The following RHD variants were observed in gnomAD, a reference collection of about 807,000 sequenced individuals.
RHD encodes Rh blood group D antigen.
A neutral mutation model predicts 45.5 loss-of-function variants in RHD; 16 were observed. The ratio of observed to expected loss-of-function variants is 0.35; its 90% confidence interval spans 0.24 to 0.53. The LOEUF is 0.53. RHD is among the 20% of genes least tolerant of loss of function. The pLI is 0.92. For synonymous variants in RHD, 131 were observed against 217.5 expected (o/e 0.60, Z 3.50); for missense variants, 306 against 532.0 (o/e 0.58, Z 4.18).
rs1203686924 is a variant in RHD at position 25,314,209 on chromosome 1, T to C, written c.1074-2791T>C. ...CGCCAATCTAATCACCAGTAGTGTA[T>C]AGAAGCTCCTTTTACTCCACATTTT... is the stretch of plus-strand genomic sequence containing the variant. On this transcript the variant is annotated intron_variant, in intron 7 of 9. Transcript: ENST00000328664. Among the ~76,000 whole-genome samples the C allele has an allele frequency of 4.5e-5, 6 of 133,194 alleles. 2 individuals carry two copies. Among genetic ancestry groups the C allele is most frequent in the South Asian group, 2.3e-4 (1 of 4,368 alleles). 87.4% of individuals were successfully genotyped at this position (133,194 alleles called of 152,430 possible).
chr1:25,301,080 G>A lies in RHD; in HGVS notation c.621G>A (p.Leu207=). Residue 207 remains leucine (L), a synonymous_variant, in exon 4 of 10, where the codon TTG becomes TTA. Transcript: ENST00000328664. ...DKDQTATIPS[L]SAMLGALFLW... ...ATCAGACAGCAACGATACCCAGTTT[G>A]TCTGCCATGCTGGGTAAGGACAAGG... The A allele has an allele frequency of 7.3e-7, 1 of 1,376,570 alleles. No individual in the cohort carries two copies. The highest frequency in any genetic ancestry group is 1.0e-6 in the Non-Finnish European group (1 of 978,184). 85.3% of individuals were successfully genotyped at this position (1,376,570 alleles called of 1,614,324 possible).
rs1644487760 is a variant in RHD at position 25,317,808 on chromosome 1, A to G, written c.1153+729A>G. Among the ~76,000 whole-genome samples, 3 of 81,254 alleles carry G rather than the reference A, an allele frequency of 3.7e-5. 1 individual carries two copies. The highest frequency in any genetic ancestry group is 1.2e-4 in the African/African-American group (3 of 24,660). 53.3% of individuals were successfully genotyped at this position (81,254 alleles called of 152,430 possible). On this transcript the variant is annotated intron_variant, in intron 8 of 9. Coordinates refer to ENST00000328664, the MANE Select transcript of RHD (RefSeq NM_016124.6). ...AGACAGCAGCATGCTTTGTGTGTTG[A>G]GGGAACAGTAAGGAGACCAGTGTGG...
Position 25,329,237 on chromosome 1 carries a change from GT to G in RHD, c.*338del, listed in dbSNP as rs71014352. On this transcript the variant is annotated 3_prime_UTR_variant, in exon 10 of 10. Coordinates refer to ENST00000328664, the MANE Select transcript of RHD (RefSeq NM_016124.6). Reference sequence around the variant, plus strand: ...TAAGGTTAATTTATTATTATTCCTTGTTTTTTTTTTTTTTTTTTTTTTTTTG... The same window carrying G: ...TAAGGTTAATTTATTATTATTCCTTGTTTTTTTTTTTTTTTTTTTTTTTTG... 0.059 allele frequency: 13,237 copies of G among 224,844 alleles called. 9 individuals carry two copies. Among genetic ancestry groups the G allele is most frequent in the African/African-American group, 0.072 (1,610 of 22,388 alleles). The allele number at this position is 224,844 out of a possible 1,614,324, so 13.9% of individuals were successfully genotyped here.
intron 1 of RHD, among the ~76,000 whole-genome samples, chr1:25,281,615 C>A (rs1353582143): frequency 7.6e-6 from 1 of 131,550 alleles, no homozygotes; most frequent in East Asian, 1.9e-4. Flanking sequence ...TTTGAGTAAT[C>A]CCAAGAGGAA....
rs547182192 is a variant in RHD at position 25,278,120 on chromosome 1, T to C, written c.148+5425T>C. On this transcript the variant is annotated intron_variant, in intron 1 of 9. Coordinates refer to ENST00000328664, the MANE Select transcript of RHD (RefSeq NM_016124.6). ...GACTACTGGTCTGGATGACCTGTGA[T>C]GAGACCAGATGGGCAGGGGCAGTGG... 6.9e-5 allele frequency among the ~76,000 whole-genome samples: 9 copies of C among 130,260 alleles called. 1 individual carries two copies. The East Asian group carries it at 1.8e-3, about 25-fold the overall frequency. The allele number at this position is 130,260 out of a possible 152,430, so 85.5% of individuals were successfully genotyped here. A position where few individuals can be genotyped will look rare whatever the true frequency, so the allele number is the denominator to read the frequency against.
At chr1:25,314,278 A>C (rs1471357780) in intron 7 of RHD, among the ~76,000 whole-genome samples, 1 of 132,776 alleles carries the variant, frequency 7.5e-6, no homozygotes, top group Non-Finnish European at 1.8e-5. Context: ...GTCATTTAGC[A>C]ATCAAACCTA....
chr1:25,301,455 C>T (rs533258873), intron 4 of RHD, 65 bp from the exon 5 acceptor site: 1 of 1,295,858 alleles, frequency 7.7e-7, no homozygotes, highest in African/African-American at 1.5e-5. Context: ...CATCCAAAAC[C>T]CCTCGAGGCT....
chr1:25,307,165 G>A (rs1318905252), intron 7 of RHD, among the ~76,000 whole-genome samples: 2 of 132,338 alleles, frequency 1.5e-5, no homozygotes, highest in Non-Finnish European at 3.6e-5. Flanking sequence ...TCCCCTCACA[G>A]GACTGTTGGG....
Position 25,300,993 on chromosome 1 carries a change from T to G in RHD, c.534T>G (p.Tyr178Ter), listed in dbSNP as rs1643344225. 1 of 1,375,464 alleles carries G rather than the reference T, an allele frequency of 7.3e-7. No individual in the cohort carries two copies. 85.2% of individuals were successfully genotyped at this position (1,375,464 alleles called of 1,614,324 possible). ...TGCACATCTACGTGTTCGCAGCCTA[T>G]TTTGGGCTGTCTGTGGCCTGGTGCC... ...NMMHIYVFAA[Y>*]FGLSVAWCLP... is the part of the protein sequence containing the mutation. Residue 178 changes from tyrosine (Y) to a stop codon, truncating the protein, a stop_gained, in exon 4 of 10, where the codon TAT (tyrosine) becomes TAG (stop). Transcript: ENST00000328664. LOFTEE classifies it high-confidence loss of function.
chr1:25,329,066 T>A lies in RHD; in HGVS notation c.*142T>A, dbSNP rs1328677127. ...GGCACTGGAGTCAGAGAAAATGGAG[T>A]TGAATCCTTTCTCTGCCACTCTTTG... is the stretch of plus-strand genomic sequence containing the variant. On this transcript the variant is annotated 3_prime_UTR_variant, in exon 10 of 10. Coordinates refer to ENST00000328664, the MANE Select transcript of RHD (RefSeq NM_016124.6). 1 of 1,345,896 alleles carries A rather than the reference T, an allele frequency of 7.4e-7. No individual in the cohort carries two copies. Among genetic ancestry groups the A allele is most frequent in the Admixed American group, 1.9e-5 (1 of 53,710 alleles). The allele number at this position is 1,345,896 out of a possible 1,614,324, so 83.4% of individuals were successfully genotyped here. A position where few individuals can be genotyped will look rare whatever the true frequency, so the allele number is the denominator to read the frequency against.
rs1485083709 is a variant in RHD at position 25,290,133 on chromosome 1, T to C, written c.336-508T>C. 7.0e-5 allele frequency among the ~76,000 whole-genome samples: 9 copies of C among 128,888 alleles called. 2 individuals carry two copies. Among genetic ancestry groups the C allele is most frequent in the African/African-American group, 2.4e-4 (9 of 36,966 alleles). 84.6% of individuals were successfully genotyped at this position (128,888 alleles called of 152,430 possible). ...CTGGGACTGGAAGCCGGGCTTGTCCTGATTCCAAATCCAGTTTCTTTCCAC... is the reference window on the plus strand; with the variant it reads ...CTGGGACTGGAAGCCGGGCTTGTCCCGATTCCAAATCCAGTTTCTTTCCAC... On this transcript the variant is annotated intron_variant, in intron 2 of 9. Coordinates refer to ENST00000328664, the MANE Select transcript of RHD (RefSeq NM_016124.6).
At chr1:25,272,761 G>A in intron 1 of RHD, 66 bp downstream of exon 1, 1 of 1,359,344 alleles carries the variant, frequency 7.4e-7, no homozygotes, top group South Asian at 1.2e-5. Context: ...GGAGGCCTGT[G>A]GTTCTCCAGG....
At chr1:25,285,260 G>A (rs1312186798) in intron 2 of RHD, among the ~76,000 whole-genome samples, 8 of 133,158 alleles carry the variant, frequency 6.0e-5, no homozygotes. Flanking sequence ...TCAGCCGCCT[G>A]AGTAGCTGGG....
Position 25,273,705 on chromosome 1 carries a change from T to C in RHD, c.148+1010T>C, listed in dbSNP as rs1051293055. The stretch of plus-strand genomic sequence containing the variant: ...CCACAATGGTGTGACTTTGCTTTTT[T>C]AAAAATATTGAAATGAGTTTCAGGC... On this transcript the variant is annotated intron_variant, in intron 1 of 9. Coordinates refer to ENST00000328664, the MANE Select transcript of RHD (RefSeq NM_016124.6). 1.0e-4 allele frequency among the ~76,000 whole-genome samples: 13 copies of C among 125,164 alleles called. 3 individuals carry two copies. Among genetic ancestry groups the C allele is most frequent in the African/African-American group, 3.6e-4 (13 of 36,612 alleles). The allele number at this position is 125,164 out of a possible 152,430, so 82.1% of individuals were successfully genotyped here.
rs1426050259 is a variant in RHD, at chr1:25,302,346, G to A, written c.801+660G>A. On this transcript the variant is annotated intron_variant, in intron 5 of 9. Coordinates refer to ENST00000328664, the MANE Select transcript of RHD (RefSeq NM_016124.6). ...GGAAGGGGCTCCAGCTGGTGGTGTCGGAGGGAAGTCTGGACAGACCAGTGG... is the reference window on the plus strand; with the variant it reads ...GGAAGGGGCTCCAGCTGGTGGTGTCAGAGGGAAGTCTGGACAGACCAGTGG... 8.5e-5 allele frequency among the ~76,000 whole-genome samples: 11 copies of A among 128,986 alleles called. 2 individuals are homozygous for A. The highest frequency in any genetic ancestry group is 1.6e-4 in the Non-Finnish European group (9 of 54,918). The allele number at this position is 128,986 out of a possible 152,430, so 84.6% of individuals were successfully genotyped here. A position where few individuals can be genotyped will look rare whatever the true frequency, so the allele number is the denominator to read the frequency against.
intron 6 of RHD, among the ~76,000 whole-genome samples, chr1:25,305,703 C>G (rs1176936229): frequency 7.8e-6 from 1 of 127,786 alleles, no homozygotes; most frequent in African/African-American, 2.7e-5. Context: ...CGGGTTCACA[C>G]CATTCTCCTG....
At position 25,284,248 on chromosome 1, in the gene RHD, G is replaced by A. The variant is rs41310403; in HGVS notation, c.149-325G>A. Among the ~76,000 whole-genome samples, 81 of 136,168 alleles carry A rather than the reference G, an allele frequency of 5.9e-4. 7 individuals carry two copies. The highest frequency in any genetic ancestry group is 1.9e-3 in the African/African-American group (75 of 39,812). 89.3% of individuals were successfully genotyped at this position (136,168 alleles called of 152,430 possible). On this transcript the variant is annotated intron_variant, in intron 1 of 9. Coordinates refer to ENST00000328664, the MANE Select transcript of RHD (RefSeq NM_016124.6). ...GTGTCCATGTGCGTCAAGCACGTGT[G>A]CTTTACACTTGTTCTTATTATTAGG...
At chr1:25,273,239 A>G (rs1640644247) in intron 1 of RHD, among the ~76,000 whole-genome samples, 1 of 126,562 alleles carries the variant, frequency 7.9e-6, no homozygotes, top group African/African-American at 2.7e-5. Context: ...AGTCTCAAGC[A>G]ATCTTCCCAC....
In RHD at chr1:25,274,256, C is replaced by A. The variant is rs604183; in HGVS notation, c.148+1561C>A. Among the ~76,000 whole-genome samples, 238 of 132,092 alleles carry A rather than the reference C, an allele frequency of 1.8e-3. 48 individuals carry two copies. In the Middle Eastern group the frequency reaches 0.02, roughly 11 times the overall value. 86.7% of individuals were successfully genotyped at this position (132,092 alleles called of 152,430 possible). A position where few individuals can be genotyped will look rare whatever the true frequency, so the allele number is the denominator to read the frequency against. ...ATATGGATGTTGAGTAATTTGCCCA[C>A]GGTCGCTCAGCTAGCAATAGCACAG... On this transcript the variant is annotated intron_variant, in intron 1 of 9. Transcript: ENST00000328664.
Sources: allele counts gnomAD v4.1 joint callset (sites outside exome capture counted in the v4.1 genomes callset), GRCh38; gene constraint gnomAD v4.1.1; transcripts MANE v1.5; gene names NCBI Gene and HGNC (gene_info 2026-07-23, HGNC 2026-07-21).